The following ASXL3 variants were observed in gnomAD, a reference collection of about 807,000 sequenced individuals.
ASXL3 encodes putative Polycomb group protein ASXL3.
ASXL3 carries 34 observed loss-of-function variants against 170.6 expected under a neutral mutation model. The ratio of observed to expected loss-of-function variants is 0.20; its 90% CI spans 0.15 to 0.27. The LOEUF (loss-of-function observed/expected upper bound fraction) is 0.27, where lower values mean the gene tolerates loss of function less well. ASXL3 is among the 10% of genes least tolerant of loss of function. The pLI, the probability that ASXL3 is intolerant of heterozygous loss-of-function variation, is 1.00. For missense variants in ASXL3, 2,592 were observed against 2,695.3 expected, an observed-to-expected ratio of 0.96 and a Z score of 0.85; for synonymous variants, 1,002 against 989.1, an observed-to-expected ratio of 1.01 and a Z score of -0.24.
At chr18:33,677,042 T>C (rs973541206) in intron 7 of ASXL3, among the ~76,000 whole-genome samples, 1 of 152,192 alleles carries the variant, frequency 6.6e-6, no homozygotes, top group Non-Finnish European at 1.5e-5. Context: ...TCCTACCCAG[T>C]CACATAGTAA....
intron 8 of ASXL3, among the ~76,000 whole-genome samples, chr18:33,690,932 C>G (rs1382701849): frequency 1.3e-5 from 2 of 152,152 alleles, no homozygotes; most frequent in Non-Finnish European, 2.9e-5. Context: ...GACTCTAAAA[C>G]TCCTCTCCAG....
intron 4 of ASXL3, among the ~76,000 whole-genome samples, chr18:33,655,208 A>G (rs1021127701): frequency 2.6e-4 from 39 of 152,024 alleles, no homozygotes; most frequent in African/African-American, 8.7e-4. Context: ...GGTTGGTATA[A>G]TTATTATCTG....
chr18:33,604,844 C>G (rs1031490991), intron 1 of ASXL3, among the ~76,000 whole-genome samples: 5 of 151,768 alleles, frequency 3.3e-5, no homozygotes, highest in African/African-American at 1.2e-4. Flanking sequence ...GCCTCACTAG[C>G]CAATGTGTGG....
At chr18:33,666,029 C>A (rs1402645999) in intron 5 of ASXL3, among the ~76,000 whole-genome samples, 2 of 152,136 alleles carry the variant, frequency 1.3e-5, no homozygotes, top group African/African-American at 4.8e-5. Context: ...TATACTCCTT[C>A]TCATAACACC....
Position 33,675,930 on chromosome 18 carries a change from A to T in ASXL3, c.715+4064A>T, listed in dbSNP as rs971876784. Reference sequence around the variant, plus strand: ...AATGTTAAGTTGAAAATAAAAGAAAAAAATTCCTCGGTTGGCTGGGTGCAG... The same window carrying T: ...AATGTTAAGTTGAAAATAAAAGAAATAAATTCCTCGGTTGGCTGGGTGCAG... On this transcript the variant is annotated intron_variant, in intron 7 of 11. Coordinates refer to ENST00000269197, the MANE Select transcript of ASXL3 (RefSeq NM_030632.3). 7.9e-5 allele frequency among the ~76,000 whole-genome samples: 12 copies of T among 152,082 alleles called. 1 individual carries two copies. The highest frequency in any genetic ancestry group is 1.0e-4 in the Non-Finnish European group (7 of 68,022).
Position 33,747,744 on chromosome 18 carries a change from A to G in ASXL3, c.*1149A>G, listed in dbSNP as rs941627687. ...AACTTTGAAATAACCCTTATTTTGAAAAAAACTGTTCTAGGTATGGCATGT... is the reference window on the plus strand; with the variant it reads ...AACTTTGAAATAACCCTTATTTTGAGAAAAACTGTTCTAGGTATGGCATGT... On this transcript the variant is annotated 3_prime_UTR_variant, in exon 12 of 12. Transcript: ENST00000269197. The G allele has an allele frequency of 3.9e-5, 6 of 152,184 alleles. No homozygotes were observed. The highest frequency in any genetic ancestry group is 8.8e-5 in the Non-Finnish European group (6 of 68,036). 9.4% of individuals were successfully genotyped at this position (152,184 alleles called of 1,614,324 possible). A position where few individuals can be genotyped will look rare whatever the true frequency, so the allele number is the denominator to read the frequency against.
In ASXL3 at chr18:33,742,926, G is replaced by C. The variant is rs372219878; in HGVS notation, c.3078G>C (p.Lys1026Asn). 38 of 1,604,974 alleles carry C rather than the reference G, an allele frequency of 2.4e-5. No homozygotes were observed. Among genetic ancestry groups the C allele is most frequent in the Non-Finnish European group, 3.1e-5 (36 of 1,177,506 alleles). Reference protein sequence around the residue: ...LSKIGPPFIIKSQPVSKPESR... With the variant: ...LSKIGPPFIINSQPVSKPESR... The stretch of plus-strand genomic sequence containing the variant: ...AAATTGGGCCACCTTTTATAATCAA[G>C]AGCCAACCAGTCTCCAAACCTGAGT... The change falls in exon 12 of 12, where the codon AAG becomes AAC. Residue 1026 changes from lysine (K) to asparagine (N), a missense_variant. Around this residue, in one of 4 missense-constraint regions of ASXL3, gnomAD observed 2,246 missense variants for 2,219.6 expected, o/e 1.01. Coordinates refer to ENST00000269197, the MANE Select transcript of ASXL3 (RefSeq NM_030632.3).
chr18:33,686,941 C>T (rs1216616753), intron 8 of ASXL3, among the ~76,000 whole-genome samples: 1 of 152,136 alleles, frequency 6.6e-6, no homozygotes, highest in Non-Finnish European at 1.5e-5. Context: ...AGATAAGACA[C>T]AGAGAGGCTG....
chr18:33,588,656 A>G, intron 1 of ASXL3, among the ~76,000 whole-genome samples: 1 of 152,116 alleles, frequency 6.6e-6, no homozygotes, highest in Non-Finnish European at 1.5e-5. Flanking sequence ...CACATTCAGG[A>G]GAATCAAATT....
At chr18:33,646,223 A>G (rs769905616) in intron 3 of ASXL3, 22 bp from the exon 4 acceptor site, 4 of 1,591,218 alleles carry the variant, frequency 2.5e-6, no homozygotes, top group East Asian at 4.5e-5. Flanking sequence ...TCCATAAATC[A>G]TCACTTTTCA....
chr18:33,660,588 G>C (rs961506424), intron 4 of ASXL3, among the ~76,000 whole-genome samples: 1 of 152,106 alleles, frequency 6.6e-6, no homozygotes, highest in Non-Finnish European at 1.5e-5. Flanking sequence ...GTCATGTTTT[G>C]AGTTTTTTTA....
chr18:33,596,486 A>G (rs1191003389), intron 1 of ASXL3, among the ~76,000 whole-genome samples: 3 of 152,346 alleles, frequency 2.0e-5, no homozygotes, highest in Non-Finnish European at 2.9e-5. Flanking sequence ...TTGTTATTCA[A>G]CATTTAAGTA....
rs2067827804 is a variant in ASXL3, at chr18:33,748,188, T to TCAC, written c.*1594_*1596dup. The TCAC allele has an allele frequency of 6.6e-6, 1 of 152,176 alleles. No individual in the cohort carries two copies. Among genetic ancestry groups the TCAC allele is most frequent in the African/African-American group, 2.4e-5 (1 of 41,458 alleles). 9.4% of individuals were successfully genotyped at this position (152,176 alleles called of 1,614,324 possible). ...ATATTTTCACATGGGATCATCCTAA[T>TCAC]CACTGTAAACTTTTTGACATTCCCG... is the stretch of plus-strand genomic sequence containing the variant. On this transcript the variant is annotated 3_prime_UTR_variant, in exon 12 of 12. Coordinates refer to ENST00000269197, the MANE Select transcript of ASXL3 (RefSeq NM_030632.3).
intron 8 of ASXL3, chr18:33,683,774 C>T (rs901448040): frequency 1.1e-5 from 5 of 464,438 alleles, no homozygotes; most frequent in East Asian, 7.7e-5. Flanking sequence ...TTTTAAAATA[C>T]GGTACATTGT....
intron 4 of ASXL3, among the ~76,000 whole-genome samples, chr18:33,658,312 C>T (rs531801584): frequency 6.6e-6 from 1 of 152,024 alleles, no homozygotes; most frequent in African/African-American, 2.4e-5. Context: ...AAGAAAGCTG[C>T]AAGAATAAGT....
chr18:33,688,971 A>G (rs72964074), intron 8 of ASXL3, among the ~76,000 whole-genome samples: 10,007 of 151,786 alleles, frequency 0.066, 404 homozygotes, highest in South Asian at 0.19. Context: ...CCCCCAATAT[A>G]TGATGACTTG....
chr18:33,619,213 G>T (rs957216231), intron 2 of ASXL3, among the ~76,000 whole-genome samples: 2 of 151,998 alleles, frequency 1.3e-5, no homozygotes, highest in African/African-American at 2.4e-5. Flanking sequence ...AGAGCCAATT[G>T]TTCTTAACCT....
At chr18:33,674,905 A>G (rs2066401671) in intron 7 of ASXL3, among the ~76,000 whole-genome samples, 1 of 152,152 alleles carries the variant, frequency 6.6e-6, no homozygotes, top group African/African-American at 2.4e-5. Flanking sequence ...GGCGTGAGCC[A>G]CCGCACCCAG....
At chr18:33,602,996 A>G (rs1172115376) in intron 1 of ASXL3, among the ~76,000 whole-genome samples, 2 of 152,120 alleles carry the variant, frequency 1.3e-5, no homozygotes, top group African/African-American at 2.4e-5. Flanking sequence ...AAGATGACAC[A>G]TTAATGTTAG....
Sources: gnomAD v4.1 joint callset for allele counts (sites outside exome capture counted in the v4.1 genomes callset) on GRCh38, gnomAD v4.1.1 for gene constraint, gnomAD v4.1.1 regional missense constraint, MANE v1.5 for transcripts, NCBI Gene and HGNC (gene_info 2026-07-23, HGNC 2026-07-21) for gene names.